SLC14A2: variants seen among roughly 807,000 people sequenced by gnomAD.
The protein encoded by SLC14A2 is urea transporter 2.
SLC14A2 carries 91 observed loss-of-function variants against 104.6 expected under a neutral mutation model. The ratio of observed to expected loss-of-function variants is 0.87; its 90% confidence interval spans 0.73 to 1.04. The LOEUF (loss-of-function observed/expected upper bound fraction) is 1.04, where lower values mean the gene tolerates loss of function less well. Among genes scored for constraint, SLC14A2 ranks in the 50% least tolerant of loss-of-function variants. The pLI, the probability that SLC14A2 is intolerant of heterozygous loss-of-function variation, is 0.00. For missense variants in SLC14A2, 1,189 were observed against 1,156.0 expected (o/e 1.03, Z -0.41); for synonymous variants, 476 against 466.4 (o/e 1.02, Z -0.27).
chr18:45,562,006 T>C (rs891244618), intron 2 of SLC14A2, among the ~76,000 whole-genome samples: 2 of 152,220 alleles, frequency 1.3e-5, no homozygotes, highest in African/African-American at 4.8e-5. Flanking sequence ...TATATTTTTT[T>C]TAAGCAAACA....
chr18:45,214,914 TAA>T (rs11332986), intron 1 of SLC14A2, among the ~76,000 whole-genome samples: 10,193 of 113,984 alleles, frequency 0.089, 481 homozygotes, highest in African/African-American at 0.15. Flanking sequence ...ACCATGTCTT[TAA>T]AAAAAAAAAA....
the SLC14A2 span, among the ~76,000 whole-genome samples, chr18:45,186,902 G>C: frequency 6.6e-6 from 1 of 152,014 alleles, no homozygotes; most frequent in African/African-American, 2.4e-5. Flanking sequence ...AGATCCTCTC[G>C]TGGCTTTATC....
At chr18:45,614,706 T>G (rs1452391397), upstream of SLC14A2, 1 of 152,166 alleles carries the variant, frequency 6.6e-6, no homozygotes, top group East Asian at 1.9e-4. Flanking sequence ...CTGTAGCCCT[T>G]TGTTTTGGCC....
At chr18:45,468,262 G>C (rs1002862161) in intron 1 of SLC14A2, among the ~76,000 whole-genome samples, 5 of 152,124 alleles carry the variant, frequency 3.3e-5, no homozygotes, top group Non-Finnish European at 7.4e-5. Flanking sequence ...ATAGAGTGGA[G>C]CCATCATTCA....
At chr18:45,591,123 T>A (rs575142408) in intron 2 of SLC14A2, among the ~76,000 whole-genome samples, 1 of 151,604 alleles carries the variant, frequency 6.6e-6, no homozygotes, top group Non-Finnish European at 1.5e-5. Flanking sequence ...CTCACCCCCA[T>A]TGGAGGTGTA....
intron 2 of SLC14A2, among the ~76,000 whole-genome samples, chr18:45,539,983 G>A (rs906213709): frequency 4.6e-5 from 7 of 152,002 alleles, no homozygotes; most frequent in African/African-American, 1.7e-4. Flanking sequence ...TCAAAAATAC[G>A]GGGTGCTGAG....
intron 1 of SLC14A2, among the ~76,000 whole-genome samples, chr18:45,462,668 G>C (rs1430499866): frequency 1.3e-5 from 2 of 152,214 alleles, no homozygotes; most frequent in Non-Finnish European, 2.9e-5. Flanking sequence ...ACTTCCTTGA[G>C]AGCCACGTGG....
chr18:45,405,552 T>C (rs934008158), intron 1 of SLC14A2, among the ~76,000 whole-genome samples: 12 of 152,182 alleles, frequency 7.9e-5, no homozygotes, highest in African/African-American at 2.9e-4. Flanking sequence ...TGCAATAGCA[T>C]TGTGTCTTAA....
intron 1 of SLC14A2, among the ~76,000 whole-genome samples, chr18:45,353,705 C>A (rs753123715): frequency 6.6e-6 from 1 of 152,086 alleles, no homozygotes; most frequent in Non-Finnish European, 1.5e-5. Flanking sequence ...AGGGCTGGTG[C>A]GTTTGAGAGA....
At position 45,682,441 on chromosome 18, in the gene SLC14A2, C is replaced by A. The variant is rs758182269; in HGVS notation, c.2685C>A (p.Asn895Lys). Residue 895 changes from asparagine (N) to lysine (K), a missense_variant, in exon 20 of 20, where the codon AAC becomes AAA. Transcript: ENST00000255226. ...PLSKVTYPEANRIYYLSQERN... is the reference protein window; with the variant it reads ...PLSKVTYPEAKRIYYLSQERN... ...GCAAAGTCACCTACCCAGAGGCCAACCGCATCTACTACCTGTCCCAGGAGA... is the reference window on the plus strand; with the variant it reads ...GCAAAGTCACCTACCCAGAGGCCAAACGCATCTACTACCTGTCCCAGGAGA... 80 of 1,614,042 alleles carry A rather than the reference C, an allele frequency of 5.0e-5. No individual in the cohort carries two copies. Among genetic ancestry groups the A allele is most frequent in the Non-Finnish European group, 6.4e-5 (76 of 1,180,012 alleles).
At chr18:45,646,325 C>T (rs2045626544) in intron 10 of SLC14A2, 1 of 148,932 alleles carries the variant, frequency 6.7e-6, no homozygotes, top group African/African-American at 2.5e-5. Flanking sequence ...GTGGTCCGAT[C>T]CCATGATGCA....
intron 1 of SLC14A2, among the ~76,000 whole-genome samples, chr18:45,290,666 C>T (rs141596475): frequency 7.3e-4 from 111 of 152,312 alleles, no homozygotes; most frequent in African/African-American, 2.5e-3. Flanking sequence ...GAAGGCTTGA[C>T]GTGAGAAAGC....
the SLC14A2 span, among the ~76,000 whole-genome samples, chr18:45,199,753 G>A: frequency 2.0e-5 from 3 of 152,104 alleles, no homozygotes; most frequent in African/African-American, 7.2e-5. Context: ...CCTTATATTA[G>A]CAGCTAAGCT....
At chr18:45,582,569 AT>A (rs1263796330) in intron 2 of SLC14A2, among the ~76,000 whole-genome samples, 2 of 152,238 alleles carry the variant, frequency 1.3e-5, no homozygotes, top group Non-Finnish European at 2.9e-5. Flanking sequence ...AAAATAATCA[AT>A]AAATACAATA....
Position 45,215,740 on chromosome 18 carries a change from ACTGT to A in SLC14A2, c.-125+2554_-125+2557del, listed in dbSNP as rs1440727912. On this transcript the variant is annotated intron_variant, in intron 1 of 20. Transcript: ENST00000586448. ...TATTGACAGAAAGCTTTGCAGGAAGACTGTCTGTGGTTACGATTATTAATATTCT... is the reference window on the plus strand; with the variant it reads ...TATTGACAGAAAGCTTTGCAGGAAGACTGTGGTTACGATTATTAATATTCT... 2.0e-5 allele frequency among the ~76,000 whole-genome samples: 3 copies of A among 152,226 alleles called. No individual in the cohort carries two copies. In the East Asian group the frequency reaches 5.8e-4, roughly 29 times the overall value.
chr18:45,290,927 A>G (rs749572861), intron 1 of SLC14A2, among the ~76,000 whole-genome samples: 4 of 152,202 alleles, frequency 2.6e-5, no homozygotes, highest in Non-Finnish European at 5.9e-5. Context: ...ACCATCTCTG[A>G]CAATCAGTAA....
chr18:45,284,206 A>C (rs1295713956), intron 1 of SLC14A2, among the ~76,000 whole-genome samples: 1 of 152,196 alleles, frequency 6.6e-6, no homozygotes, highest in Non-Finnish European at 1.5e-5. Context: ...CACACGGAAC[A>C]CTGTAGGTTC....
At chr18:45,300,697 A>T (rs1319792547) in intron 1 of SLC14A2, among the ~76,000 whole-genome samples, 1 of 152,238 alleles carries the variant, frequency 6.6e-6, no homozygotes, top group African/African-American at 2.4e-5. Context: ...CATTTTACAT[A>T]CATGATTAAT....
At chr18:45,519,069 T>A (rs2144804883) in intron 2 of SLC14A2, among the ~76,000 whole-genome samples, 1 of 152,228 alleles carries the variant, frequency 6.6e-6, no homozygotes, top group South Asian at 2.1e-4. Flanking sequence ...TGTGCTAGAG[T>A]ATACCCACAC....
Sources: allele counts gnomAD v4.1 joint callset (sites outside exome capture counted in the v4.1 genomes callset), GRCh38; gene constraint gnomAD v4.1.1; transcripts MANE v1.5; gene names NCBI Gene and HGNC (gene_info 2026-07-23, HGNC 2026-07-21).